GLI3: variants seen among roughly 807,000 people sequenced by gnomAD.
The protein encoded by GLI3 is GLI family zinc finger 3.
GLI3 carries 20 observed loss-of-function variants against 100.8 expected under a neutral mutation model. The observed-to-expected ratio is 0.20, with a 90% CI of 0.14 to 0.29. The LOEUF (loss-of-function observed/expected upper bound fraction) is 0.29, where lower values mean the gene tolerates loss of function less well. Among genes scored for constraint, GLI3 ranks in the 10% least tolerant of loss-of-function variants. The probability of loss-of-function intolerance (pLI) is 1.00; values close to 1 mark genes in which losing one functional copy is unlikely to be tolerated. For missense variants in GLI3, 2,040 were observed against 2,128.5 expected (o/e 0.96, Z 0.82); for synonymous variants, 938 against 860.5 (o/e 1.09, Z -1.58).
intron 3 of GLI3, among the ~76,000 whole-genome samples, chr7:42,085,070 C>A (rs846291): frequency 0.62 from 94,553 of 151,540 alleles, 30,283 homozygotes; most frequent in African/African-American, 0.75. Context: ...CACCACCACG[C>A]CCGGCTAATT....
chr7:42,002,787 C>T (rs1010028429), intron 10 of GLI3, among the ~76,000 whole-genome samples: 3 of 152,190 alleles, frequency 2.0e-5, no homozygotes, highest in Non-Finnish European at 4.4e-5. Context: ...AAGAAGCCAA[C>T]TTGGCTCTCC....
At chr7:42,086,301 A>G (rs12539142) in intron 3 of GLI3, among the ~76,000 whole-genome samples, 42,657 of 152,000 alleles carry the variant, frequency 0.28, 6,241 homozygotes, top group Middle Eastern at 0.35. Context: ...AGGGGGAGAC[A>G]GTAGTAGAGC....
At chr7:42,088,327 G>A (rs558247680) in intron 3 of GLI3, among the ~76,000 whole-genome samples, 19 of 152,328 alleles carry the variant, frequency 1.2e-4, no homozygotes, top group Admixed American at 2.0e-4. Context: ...CCCCACAGCT[G>A]CCTGCAGGCT....
At chr7:42,201,469 T>C (rs980882940) in intron 2 of GLI3, among the ~76,000 whole-genome samples, 10 of 152,154 alleles carry the variant, frequency 6.6e-5, no homozygotes, top group Non-Finnish European at 1.2e-4. Flanking sequence ...AATCATGATA[T>C]AGAATAGCCC....
Position 41,972,702 on chromosome 7 carries a change from G to A in GLI3, c.1813-75C>T, listed in dbSNP as rs1787398208. On this transcript the variant is annotated intron_variant, in intron 12 of 14. Coordinates refer to ENST00000395925, the MANE Select transcript of GLI3 (RefSeq NM_000168.6). The surrounding 1 kb of genome is among the most constrained non-coding windows in gnomAD (Gnocchi z 4.4). ...TGCCCCAGCCCAAAAGTCCTTTATG[G>A]TTGCTCATTACATTTTTAATCCTTT... 8.2e-7 allele frequency: 1 copy of A among 1,225,712 alleles called. No individual in the cohort carries two copies. The highest frequency in any genetic ancestry group is 1.5e-5 in the African/African-American group (1 of 68,106). The allele number at this position is 1,225,712 out of a possible 1,614,324, so 75.9% of individuals were successfully genotyped here.
At chr7:42,219,939 C>T (rs1025527071) in intron 2 of GLI3, among the ~76,000 whole-genome samples, 1 of 151,588 alleles carries the variant, frequency 6.6e-6, no homozygotes, top group Admixed American at 6.6e-5. Flanking sequence ...CTGTAAGCTC[C>T]ACCTCCCGAA....
upstream of GLI3, among the ~76,000 whole-genome samples, chr7:42,237,343 G>C (rs951419333): frequency 1.3e-5 from 2 of 151,936 alleles, no homozygotes; most frequent in African/African-American, 4.8e-5. Context: ...TGGTTCAACC[G>C]CGGGAGGGAG....
intron 3 of GLI3, among the ~76,000 whole-genome samples, chr7:42,143,115 T>C (rs1786612850): frequency 6.6e-6 from 1 of 152,202 alleles, no homozygotes; most frequent in South Asian, 2.1e-4. Flanking sequence ...GTTTATGGAC[T>C]TGTTTGGATC....
Position 42,025,251 on chromosome 7 carries a change from C to T in GLI3, c.1356+13G>A. 1 of 1,572,178 alleles carries T rather than the reference C, an allele frequency of 6.4e-7. No individual in the cohort carries two copies. The highest frequency in any genetic ancestry group is 8.8e-7 in the Non-Finnish European group (1 of 1,142,026). On this transcript the variant is annotated intron_variant, in intron 9 of 14. Coordinates refer to ENST00000395925, the MANE Select transcript of GLI3 (RefSeq NM_000168.6). ...AGGAGTGGGCGCTGGCCTGTGCGGC[C>T]TCGGTGTCCTACCTGCTGCCCCCGA...
chr7:42,260,372 A>G (rs1407195147), intron 1 of GLI3, among the ~76,000 whole-genome samples: 1 of 152,202 alleles, frequency 6.6e-6, no homozygotes, highest in Non-Finnish European at 1.5e-5. Context: ...TACGCATTCA[A>G]CTGTCAAAAT....
intron 2 of GLI3, among the ~76,000 whole-genome samples, chr7:42,161,000 A>G (rs1349871547): frequency 6.6e-6 from 1 of 152,248 alleles, no homozygotes; most frequent in East Asian, 1.9e-4. Flanking sequence ...TTCTTCAAAT[A>G]TCTGTTGAAA....
intron 1 of GLI3, among the ~76,000 whole-genome samples, chr7:42,235,552 A>C (rs1788772866): frequency 6.6e-6 from 1 of 152,232 alleles, no homozygotes; most frequent in Non-Finnish European, 1.5e-5. Context: ...AATTCTGTAC[A>C]AAAATCACAT....
At chr7:42,246,939 C>T (rs1282035308) in intron 1 of GLI3, among the ~76,000 whole-genome samples, 2 of 149,708 alleles carry the variant, frequency 1.3e-5, no homozygotes, top group African/African-American at 4.9e-5. Flanking sequence ...TATGTGCCAA[C>T]ACCCTGAACA....
At chr7:42,074,367 A>T (rs1218954227) in intron 4 of GLI3, among the ~76,000 whole-genome samples, 1 of 152,202 alleles carries the variant, frequency 6.6e-6, no homozygotes, top group Admixed American at 6.5e-5. Context: ...GACTGGGCCA[A>T]TGTGAGTGTC....
intron 3 of GLI3, among the ~76,000 whole-genome samples, chr7:42,084,950 T>A (rs1323145326): frequency 7.6e-6 from 1 of 131,176 alleles, no homozygotes; most frequent in Middle Eastern, 4.3e-3. Context: ...CTCACTCTAT[T>A]GCCCAGGCTG....
intron 2 of GLI3, among the ~76,000 whole-genome samples, chr7:42,205,985 G>A (rs1583646847): frequency 6.6e-6 from 1 of 152,112 alleles, no homozygotes; most frequent in Non-Finnish European, 1.5e-5. Context: ...AATTCTGAAG[G>A]GGTTAGGTGC....
intron 3 of GLI3, among the ~76,000 whole-genome samples, chr7:42,088,722 T>A (rs1445968669): frequency 6.6e-6 from 1 of 152,164 alleles, no homozygotes; most frequent in Non-Finnish European, 1.5e-5. Flanking sequence ...GTTTTAGGAC[T>A]GGGGAGGATG....
At chr7:42,210,096 G>T (rs1328356336) in intron 2 of GLI3, among the ~76,000 whole-genome samples, 1 of 150,724 alleles carries the variant, frequency 6.6e-6, no homozygotes, top group East Asian at 2.0e-4. Flanking sequence ...CTCCATCAAG[G>T]TCAAGGGTTT....
chr7:41,998,795 T>C (rs1236539754), intron 10 of GLI3, among the ~76,000 whole-genome samples: 2 of 152,254 alleles, frequency 1.3e-5, no homozygotes, highest in African/African-American at 4.8e-5. Context: ...AAGCACTTTT[T>C]TGTGTTATGC....
Sources: gnomAD v4.1 joint callset for allele counts (sites outside exome capture counted in the v4.1 genomes callset) on GRCh38, gnomAD v4.1.1 for gene constraint, Gnocchi (gnomAD v3.1) non-coding constraint, MANE v1.5 for transcripts, NCBI Gene and HGNC (gene_info 2026-07-23, HGNC 2026-07-21) for gene names.